Variants in CTNNA2 observed in about 807,000 individuals in gnomAD.
CTNNA2 encodes catenin alpha-2.
CTNNA2 carries 42 observed loss-of-function variants against 101.0 expected under a neutral mutation model. That is an observed-to-expected ratio of 0.42 (90% CI 0.32 to 0.54). The LOEUF (loss-of-function observed/expected upper bound fraction) is 0.54. Ranked by LOEUF, CTNNA2 falls within the 20% of genes least tolerant of loss-of-function variation. The pLI is 0.14. For synonymous variants in CTNNA2, 450 were observed against 456.4 expected, an observed-to-expected ratio of 0.99 and a Z score of 0.18; for missense variants, 871 against 1,223.1, an observed-to-expected ratio of 0.71 and a Z score of 4.29.
chr2:80,444,548 C>G (rs1682905457), intron 9 of CTNNA2, among the ~76,000 whole-genome samples: 1 of 152,078 alleles, frequency 6.6e-6, no homozygotes, highest in African/African-American at 2.4e-5. Context: ...GTTGATAGGG[C>G]TGAATTGTAC....
rs149366663 is a variant in CTNNA2 at position 79,457,386 on chromosome 2, C to G, written c.-134-47668C>G. ...TTAATTATTACATTTCTGAGGCCTACAGTTCACAGTGTTGTGTGACCTGTT... is the reference window on the plus strand; with the variant it reads ...TTAATTATTACATTTCTGAGGCCTAGAGTTCACAGTGTTGTGTGACCTGTT... On this transcript the variant is annotated intron_variant, in intron 4 of 21. Transcript: ENST00000466387. Among the ~76,000 whole-genome samples, 580 of 152,098 alleles carry G rather than the reference C, an allele frequency of 3.8e-3. 3 individuals are homozygous for G. The highest frequency in any genetic ancestry group is 0.013 in the African/African-American group (535 of 41,484).
rs1558667112 is a variant in CTNNA2 at position 79,440,512 on chromosome 2, CTTG to C, written c.-134-64539_-134-64537del. The stretch of plus-strand genomic sequence containing the variant: ...AACAGAAATAGATATGCTATGTTTG[CTTG>C]TTTGTTGTTTGTTTTCTGAAGGAAG... On this transcript the variant is annotated intron_variant, in intron 4 of 21. Coordinates refer to the CTNNA2 transcript ENST00000466387. 2.0e-5 allele frequency among the ~76,000 whole-genome samples: 3 copies of C among 152,198 alleles called. No individual in the cohort carries two copies. In the East Asian group the frequency reaches 5.8e-4, roughly 29 times the overall value.
At chr2:79,256,777 T>TCC (rs1674851448) in intron 2 of CTNNA2, among the ~76,000 whole-genome samples, 1 of 152,160 alleles carries the variant, frequency 6.6e-6, no homozygotes. Flanking sequence ...TAGTAACCAG[T>TCC]CTCTCTAAGC....
At position 79,238,382 on chromosome 2, in the gene CTNNA2, T is replaced by G. The variant is rs77690783; in HGVS notation, c.-406+40306T>G. Among the ~76,000 whole-genome samples the G allele has an allele frequency of 8.6e-3, 1,302 of 152,274 alleles. 19 individuals are homozygous for G. The highest frequency in any genetic ancestry group is 0.03 in the African/African-American group (1,259 of 41,538). Reference sequence around the variant, plus strand: ...ATTACATTGGTAACATGAAAGACTATTGATCACAGATCACCATAACAGATA... The same window carrying G: ...ATTACATTGGTAACATGAAAGACTAGTGATCACAGATCACCATAACAGATA... On this transcript the variant is annotated intron_variant, in intron 2 of 21. Transcript: ENST00000466387.
chr2:79,878,017 C>T (rs1683154831), intron 6 of CTNNA2, among the ~76,000 whole-genome samples: 1 of 152,070 alleles, frequency 6.6e-6, no homozygotes. Flanking sequence ...CTCCCTGTGT[C>T]CATGTGTTCT....
chr2:79,745,026 T>C (rs7592967), intron 3 of CTNNA2, among the ~76,000 whole-genome samples: 52,439 of 152,100 alleles, frequency 0.34, 9,333 homozygotes, highest in African/African-American at 0.43. Context: ...TCCTCACAAA[T>C]GTAGCAAGCT....
At chr2:80,386,753 A>G (rs1337183013) in intron 7 of CTNNA2, among the ~76,000 whole-genome samples, 1 of 152,248 alleles carries the variant, frequency 6.6e-6, no homozygotes, top group Admixed American at 6.5e-5. Context: ...AATATATTAC[A>G]GTCACAGCTA....
intron 17 of CTNNA2, among the ~76,000 whole-genome samples, chr2:80,614,583 T>G (rs1698702123): frequency 6.6e-6 from 1 of 151,526 alleles, no homozygotes; most frequent in South Asian, 2.1e-4. Context: ...ATTTAAGAAG[T>G]ATTATTTTAT....
At chr2:80,556,022 G>T in intron 12 of CTNNA2, 129 bp downstream of exon 12, 1 of 548,988 alleles carries the variant, frequency 1.8e-6, no homozygotes. Flanking sequence ...GGAATGGGTG[G>T]AATACTTGAG....
At chr2:79,279,324 G>A (rs186184995) in intron 2 of CTNNA2, among the ~76,000 whole-genome samples, 81 of 152,222 alleles carry the variant, frequency 5.3e-4, no homozygotes, top group Non-Finnish European at 6.2e-4. Context: ...TTGTTGCCCA[G>A]TGGGATTGGA....
At chr2:79,355,258 T>C (rs1356741508) in intron 3 of CTNNA2, among the ~76,000 whole-genome samples, 3 of 152,184 alleles carry the variant, frequency 2.0e-5, no homozygotes, top group Non-Finnish European at 4.4e-5. Context: ...TCTAATTCTG[T>C]GAAAAATGAC....
At chr2:79,922,409 A>G (rs1020450298) in intron 7 of CTNNA2, among the ~76,000 whole-genome samples, 4 of 152,124 alleles carry the variant, frequency 2.6e-5, no homozygotes, top group African/African-American at 9.7e-5. Flanking sequence ...ATTATTCCTG[A>G]AAAATAGACA....
chr2:80,141,137 G>C (rs917680039), intron 7 of CTNNA2, among the ~76,000 whole-genome samples: 1 of 151,986 alleles, frequency 6.6e-6, no homozygotes, highest in Admixed American at 6.6e-5. Flanking sequence ...CGCTCCATAG[G>C]CAGGAGCCTG....
At chr2:79,200,947 GA>G (rs963425329) in intron 2 of CTNNA2, among the ~76,000 whole-genome samples, 135 of 151,960 alleles carry the variant, frequency 8.9e-4, no homozygotes, top group South Asian at 3.7e-3. Context: ...TGGTAAAGAA[GA>G]AAAAAAACAG....
At chr2:79,715,127 A>T (rs1685994897) in intron 2 of CTNNA2, among the ~76,000 whole-genome samples, 1 of 149,320 alleles carries the variant, frequency 6.7e-6, no homozygotes, top group Non-Finnish European at 1.5e-5. Context: ...GAATCGCTTG[A>T]ACACGGGAGG....
At chr2:80,404,039 A>C (rs1417568703) in intron 8 of CTNNA2, among the ~76,000 whole-genome samples, 2 of 152,152 alleles carry the variant, frequency 1.3e-5, no homozygotes, top group African/African-American at 4.8e-5. Flanking sequence ...TTTTGCATCG[A>C]TATTCATCAG....
chr2:79,332,285 C>T lies in CTNNA2; in HGVS notation c.-318+19489C>T, dbSNP rs533569446. Among the ~76,000 whole-genome samples the T allele has an allele frequency of 1.2e-3, 159 of 127,924 alleles. 1 individual carries two copies. Among genetic ancestry groups the T allele is most frequent in the African/African-American group, 3.6e-3 (116 of 32,294 alleles). The allele number at this position is 127,924 out of a possible 152,430, so 83.9% of individuals were successfully genotyped here. ...TTTAACCTCAGAGGCAATAGAGAGG[C>T]ACTGCAAAAGAAGAAGAAAAAAAAA... On this transcript the variant is annotated intron_variant, in intron 3 of 21. Transcript: ENST00000466387.
intron 2 of CTNNA2, among the ~76,000 whole-genome samples, chr2:79,707,033 A>G (rs1419464727): frequency 6.6e-6 from 1 of 152,178 alleles, no homozygotes; most frequent in Non-Finnish European, 1.5e-5. Flanking sequence ...TGTATGTTAT[A>G]AAACACAGGA....
At chr2:79,522,177 A>G (rs1672154107) in intron 1 of CTNNA2, among the ~76,000 whole-genome samples, 2 of 152,104 alleles carry the variant, frequency 1.3e-5, no homozygotes, top group Admixed American at 1.3e-4. Flanking sequence ...CGCACCTTCC[A>G]TTTTTCTAGT....
Sources: allele counts gnomAD v4.1 joint callset (sites outside exome capture counted in the v4.1 genomes callset), GRCh38; gene constraint gnomAD v4.1.1; transcripts MANE v1.5; gene names NCBI Gene and HGNC (gene_info 2026-07-23, HGNC 2026-07-21).